The following SUGCT variants were observed in gnomAD, a reference collection of about 807,000 sequenced individuals.
SUGCT encodes the protein succinyl-CoA:glutarate CoA-transferase.
A neutral mutation model predicts 55.0 loss-of-function variants in SUGCT; 41 were observed. The observed-to-expected ratio is 0.74, with a 90% confidence interval of 0.58 to 0.97. The LOEUF (loss-of-function observed/expected upper bound fraction) is 0.97, where lower values mean the gene tolerates loss of function less well. Among genes scored for constraint, SUGCT ranks in the 50% least tolerant of loss-of-function variants. SUGCT has a pLI of 0.00. For synonymous variants in SUGCT, 187 were observed against 200.4 expected (o/e 0.93, Z 0.56); for missense variants, 568 against 547.8 (o/e 1.04, Z -0.37).
chr7:40,392,170 A>T (rs925779820), intron 9 of SUGCT, among the ~76,000 whole-genome samples: 1 of 152,154 alleles, frequency 6.6e-6, no homozygotes, highest in African/African-American at 2.4e-5. Flanking sequence ...GAATTAGGAG[A>T]TATACCTAAT....
At chr7:40,529,617 A>AT (rs2151591707) in intron 12 of SUGCT, among the ~76,000 whole-genome samples, 1 of 152,370 alleles carries the variant, frequency 6.6e-6, no homozygotes, top group East Asian at 1.9e-4. Flanking sequence ...GTTCCTTTTC[A>AT]TTCAGGAACA....
At chr7:40,464,141 A>G (rs1789968001) in intron 11 of SUGCT, among the ~76,000 whole-genome samples, 1 of 152,208 alleles carries the variant, frequency 6.6e-6, no homozygotes, top group African/African-American at 2.4e-5. Flanking sequence ...AAGAGAATTG[A>G]TGGAGAAAAT....
chr7:40,469,459 G>C (rs1790293762), intron 11 of SUGCT, among the ~76,000 whole-genome samples: 1 of 152,178 alleles, frequency 6.6e-6, no homozygotes, highest in Admixed American at 6.6e-5. Context: ...TACATTTTCT[G>C]AATGTTGGTT....
chr7:40,743,487 A>G (rs1206400937), intron 12 of SUGCT, among the ~76,000 whole-genome samples: 2 of 152,232 alleles, frequency 1.3e-5, no homozygotes, highest in Non-Finnish European at 2.9e-5. Flanking sequence ...GACAAAACAG[A>G]TAATATTATG....
intron 13 of SUGCT, among the ~76,000 whole-genome samples, chr7:40,792,225 G>T (rs1790347645): frequency 6.6e-6 from 1 of 152,108 alleles, no homozygotes; most frequent in South Asian, 2.1e-4. Flanking sequence ...CTGTGTCGTA[G>T]AACAGGAAGG....
At chr7:40,329,615 C>G (rs1272716696) in intron 9 of SUGCT, among the ~76,000 whole-genome samples, 1 of 152,112 alleles carries the variant, frequency 6.6e-6, no homozygotes, top group Non-Finnish European at 1.5e-5. Context: ...TATGGAGTGG[C>G]AGCATTGGCA....
At chr7:40,539,401 C>G (rs1583930629) in intron 12 of SUGCT, 1 of 152,170 alleles carries the variant, frequency 6.6e-6, no homozygotes, top group African/African-American at 2.4e-5. Context: ...AAAAATGTAT[C>G]TATGAATGAG....
intron 11 of SUGCT, among the ~76,000 whole-genome samples, chr7:40,494,474 G>A (rs1197654251): frequency 6.6e-6 from 1 of 152,130 alleles, no homozygotes; most frequent in African/African-American, 2.4e-5. Flanking sequence ...ACCTTGCATT[G>A]TTATTCTTAT....
chr7:40,182,010 A>T lies in SUGCT; in HGVS notation c.208A>T (p.Ile70Leu). The T allele has an allele frequency of 6.3e-7, 1 of 1,598,996 alleles. No individual in the cohort carries two copies. The highest frequency in any genetic ancestry group is 8.5e-7 in the Non-Finnish European group (1 of 1,170,404). The change falls in exon 3 of 14, where the codon ATA becomes TTA. Residue 70 changes from isoleucine (I) to leucine (L), a missense_variant. Coordinates refer to ENST00000335693, the MANE Select transcript of SUGCT (RefSeq NM_001193313.2). The part of the protein sequence containing the change: ...MNLGDLGAEV[I>L]KVERPGAGDD... The stretch of plus-strand genomic sequence containing the variant: ...TTTAGGAGATCTTGGAGCAGAAGTT[A>T]TAAAAGTGGAGAGACCAGGTAAAGC...
the SUGCT span, chr7:40,964,888 C>CA: frequency 6.6e-6 from 1 of 152,204 alleles, no homozygotes; most frequent in Non-Finnish European, 1.5e-5. Flanking sequence ...CTCATCACAA[C>CA]ACTGGCCTTC....
At chr7:41,028,372 G>A in the SUGCT span, among the ~76,000 whole-genome samples, 4 of 152,342 alleles carry the variant, frequency 2.6e-5, no homozygotes, top group African/African-American at 7.2e-5. Flanking sequence ...AGGACTAACA[G>A]CATCACTGGC....
intron 9 of SUGCT, among the ~76,000 whole-genome samples, chr7:40,435,251 G>A (rs1788107295): frequency 1.3e-5 from 2 of 152,236 alleles, no homozygotes; most frequent in South Asian, 4.2e-4. Flanking sequence ...TCCAACTATA[G>A]GACATACCTA....
At chr7:40,565,992 C>CACACACACACACAT (rs1491317958) in intron 12 of SUGCT, among the ~76,000 whole-genome samples, 4 of 86,680 alleles carry the variant, frequency 4.6e-5, no homozygotes, top group Middle Eastern at 5.2e-3. Flanking sequence ...CACACACACA[C>CACACACACACACAT]GCACACACAC....
At chr7:40,406,022 AT>A (rs1562753210) in intron 9 of SUGCT, among the ~76,000 whole-genome samples, 1 of 152,090 alleles carries the variant, frequency 6.6e-6, no homozygotes. Flanking sequence ...CAGGAGTTTT[AT>A]CATTCCTTAA....
intron 13 of SUGCT, among the ~76,000 whole-genome samples, chr7:40,836,424 A>G (rs1792978729): frequency 6.6e-6 from 1 of 152,236 alleles, no homozygotes; most frequent in Admixed American, 6.5e-5. Context: ...TCAGTGATAC[A>G]GTTGACTGAC....
At chr7:40,704,975 ACTC>A (rs1243467309) in intron 12 of SUGCT, among the ~76,000 whole-genome samples, 1 of 151,874 alleles carries the variant, frequency 6.6e-6, no homozygotes, top group East Asian at 1.9e-4. Flanking sequence ...AAGACTTCTG[ACTC>A]CTCATTTGTC....
the SUGCT span, among the ~76,000 whole-genome samples, chr7:40,911,246 A>C: frequency 6.6e-6 from 1 of 152,156 alleles, no homozygotes; most frequent in Admixed American, 6.5e-5. Flanking sequence ...AAACAGTACA[A>C]GCCACCAAAA....
intron 1 of SUGCT, among the ~76,000 whole-genome samples, chr7:40,145,763 T>C (rs995824019): frequency 9.9e-5 from 15 of 152,220 alleles, no homozygotes; most frequent in Non-Finnish European, 1.9e-4. Flanking sequence ...ATTCTGTAAG[T>C]ACTTCAAGGC....
At chr7:40,651,869 T>C (rs1800799444) in intron 12 of SUGCT, among the ~76,000 whole-genome samples, 1 of 152,188 alleles carries the variant, frequency 6.6e-6, no homozygotes, top group Admixed American at 6.5e-5. Context: ...CAATGCATAT[T>C]TTAATTCTAA....
Sources: allele counts gnomAD v4.1 joint callset (sites outside exome capture counted in the v4.1 genomes callset), GRCh38; gene constraint gnomAD v4.1.1; transcripts MANE v1.5; gene names NCBI Gene and HGNC (gene_info 2026-07-23, HGNC 2026-07-21).